The following INPP4A variants were observed in gnomAD, a reference collection of about 807,000 sequenced individuals.
The protein encoded by INPP4A is inositol polyphosphate-4-phosphatase type I A.
Under a neutral mutation model 119.8 loss-of-function variants are expected in INPP4A, and 33 were observed. The observed-to-expected ratio is 0.28, with a 90% CI of 0.21 to 0.37. The LOEUF is 0.37. Among genes scored for constraint, INPP4A ranks in the 10% least tolerant of loss-of-function variants. The pLI, the probability that INPP4A is intolerant of heterozygous loss-of-function variation, is 1.00. For missense variants in INPP4A, 956 were observed against 1,289.9 expected (o/e 0.74, Z 3.97); for synonymous variants, 496 against 500.7 (o/e 0.99, Z 0.12).
intron 4 of INPP4A, among the ~76,000 whole-genome samples, chr2:98,527,455 A>T (rs1049399834): frequency 1.3e-5 from 2 of 152,232 alleles, no homozygotes. Flanking sequence ...TAACCAAAAA[A>T]ACCTTAAAAG....
intron 7 of INPP4A, among the ~76,000 whole-genome samples, chr2:98,536,629 C>T (rs565822927): frequency 1.3e-5 from 2 of 152,244 alleles, no homozygotes; most frequent in South Asian, 2.1e-4. Context: ...GAAAGGGAAA[C>T]GCCCACTGTC....
At chr2:98,505,652 C>T (rs1017607378) in intron 1 of INPP4A, among the ~76,000 whole-genome samples, 12 of 152,164 alleles carry the variant, frequency 7.9e-5, no homozygotes, top group African/African-American at 2.7e-4. Context: ...AAATAAAACA[C>T]AGTAGTCATA....
Position 98,533,361 on chromosome 2 carries a change from C to T in INPP4A, c.152-16C>T, listed in dbSNP as rs767510053. 49 of 1,526,396 alleles carry T rather than the reference C, an allele frequency of 3.2e-5. No individual in the cohort carries two copies. Among genetic ancestry groups the T allele is most frequent in the African/African-American group, 9.5e-5 (7 of 73,352 alleles). The allele number at this position is 1,526,396 out of a possible 1,614,324, so 94.6% of individuals were successfully genotyped here. A position where few individuals can be genotyped will look rare whatever the true frequency, so the allele number is the denominator to read the frequency against. ...GGTTTTAAAGGATTCATTTCTTTCC[C>T]GTGTTGATTCTGTAGCTTGCAGTGA... On this transcript the variant is annotated splice_polypyrimidine_tract_variant and intron_variant, in intron 4 of 24. Coordinates refer to ENST00000409851, the MANE Select transcript of INPP4A (RefSeq NM_001134225.2).
intron 13 of INPP4A, among the ~76,000 whole-genome samples, chr2:98,550,476 C>G (rs1198707043): frequency 2.0e-5 from 3 of 152,222 alleles, no homozygotes; most frequent in African/African-American, 7.2e-5. Flanking sequence ...TCCACCCTTA[C>G]GCTCTCATGG....
rs1014243361 is a variant in INPP4A, at chr2:98,570,063, A to G, written c.2518+1395A>G. ...GGAGGTGAGGGCTGTGTCTGCTGGG[A>G]GAGCTGACAGACCTGGCTCTGGGCA... On this transcript the variant is annotated intron_variant, in intron 22 of 24. Transcript: ENST00000409851. This position sits in a 1 kb window ranked among gnomAD's most constrained non-coding sequence, Gnocchi z 4.3. Among the ~76,000 whole-genome samples, 1 of 152,094 alleles carries G rather than the reference A, an allele frequency of 6.6e-6. No homozygotes were observed. Among genetic ancestry groups the G allele is most frequent in the Non-Finnish European group, 1.5e-5 (1 of 68,012 alleles).
Position 98,589,417 on chromosome 2 carries a change from T to C in INPP4A, c.*1809T>C, listed in dbSNP as rs1175689447. The C allele has an allele frequency of 1.6e-5, 3 of 183,542 alleles. No homozygotes were observed. The highest frequency in any genetic ancestry group is 7.1e-5 in the African/African-American group (3 of 42,538). 11.4% of individuals were successfully genotyped at this position (183,542 alleles called of 1,614,324 possible). On this transcript the variant is annotated 3_prime_UTR_variant, in exon 25 of 25. Coordinates refer to ENST00000409851, the MANE Select transcript of INPP4A (RefSeq NM_001134225.2). Reference sequence around the variant, plus strand: ...TTAACTTTTAAAAAATCTCCTTGCTTTTTAAAAATAAATATTACCCACATA... The same window carrying C: ...TTAACTTTTAAAAAATCTCCTTGCTCTTTAAAAATAAATATTACCCACATA...
intron 24 of INPP4A, among the ~76,000 whole-genome samples, chr2:98,585,774 A>G (rs568078744): frequency 6.6e-6 from 1 of 152,400 alleles, no homozygotes; most frequent in East Asian, 1.9e-4. Context: ...TTAGAATTTC[A>G]CATCTGATGT....
At position 98,593,382 on chromosome 2, in the gene INPP4A, G is replaced by A. The variant is rs1700484269; in HGVS notation, c.*5774G>A. ...GGTGTCTGTGGCCTGACTCTCTCCT[G>A]GTGGTCCTACGTCTCTGACCATCCC... is the stretch of plus-strand genomic sequence containing the variant. On this transcript the variant is annotated 3_prime_UTR_variant, in exon 25 of 25. Transcript: ENST00000409851. 4 of 152,556 alleles carry A rather than the reference G, an allele frequency of 2.6e-5. No homozygotes were observed. 9.5% of individuals were successfully genotyped at this position (152,556 alleles called of 1,614,324 possible).
At chr2:98,451,156 A>G (rs1695155068) in intron 1 of INPP4A, among the ~76,000 whole-genome samples, 1 of 152,148 alleles carries the variant, frequency 6.6e-6, no homozygotes, top group African/African-American at 2.4e-5. Context: ...TGGTCTTTGC[A>G]CATACCTTTG....
At chr2:98,538,564 C>T (rs1690762942) in intron 8 of INPP4A, among the ~76,000 whole-genome samples, 1 of 152,210 alleles carries the variant, frequency 6.6e-6, no homozygotes, top group South Asian at 2.1e-4. Context: ...CTCATTTCAC[C>T]CAAAATAAGC....
chr2:98,455,309 A>G (rs949128008), intron 1 of INPP4A, among the ~76,000 whole-genome samples: 1 of 152,038 alleles, frequency 6.6e-6, no homozygotes, highest in Non-Finnish European at 1.5e-5. Context: ...GTGCACTCCA[A>G]CCTGGGTGAC....
In INPP4A at chr2:98,469,373, C is replaced by T. The variant is rs1014679407; in HGVS notation, c.-166+24288C>T. On this transcript the variant is annotated intron_variant, in intron 1 of 24. Transcript: ENST00000409851. The stretch of plus-strand genomic sequence containing the variant: ...TTAGTCGGGTGTGGTGGCTGGCATG[C>T]GCCTGTAATCCCAGCTTCTCGGGAG... Among the ~76,000 whole-genome samples, 6 of 152,042 alleles carry T rather than the reference C, an allele frequency of 3.9e-5. No individual in the cohort carries two copies. In the Middle Eastern group the frequency reaches 0.01, roughly 259 times the overall value.
chr2:98,546,158 GC>G lies in INPP4A; in HGVS notation c.1054+88del. The G allele has an allele frequency of 1.1e-6, 1 of 928,116 alleles. No homozygotes were observed. Among genetic ancestry groups the G allele is most frequent in the Non-Finnish European group, 1.7e-6 (1 of 590,914 alleles). 57.5% of individuals were successfully genotyped at this position (928,116 alleles called of 1,614,324 possible). Reference sequence around the variant, plus strand: ...CTTGGTCCCTGAGTACCCCACATCTGCCCATTTCCCTGTGTGCTCTGGGCGG... The same window carrying G: ...CTTGGTCCCTGAGTACCCCACATCTGCCATTTCCCTGTGTGCTCTGGGCGG... On this transcript the variant is annotated intron_variant, in intron 12 of 24. Transcript: ENST00000409851. The surrounding 1 kb of genome is among the most constrained non-coding windows in gnomAD (Gnocchi z 4.2).
chr2:98,582,140 A>T (rs1468558140), intron 24 of INPP4A, among the ~76,000 whole-genome samples: 2 of 152,226 alleles, frequency 1.3e-5, no homozygotes, highest in African/African-American at 4.8e-5. Context: ...GAATTTGTAT[A>T]TTTGATACTA....
chr2:98,484,675 T>C (rs1204367563), intron 1 of INPP4A, among the ~76,000 whole-genome samples: 1 of 152,200 alleles, frequency 6.6e-6, no homozygotes, highest in Non-Finnish European at 1.5e-5. Context: ...AAAAGCATGA[T>C]GTGTCCATCT....
At position 98,571,602 on chromosome 2, in the gene INPP4A, A is replaced by C. The variant is rs538436980; in HGVS notation, c.2519-1213A>C. Among the ~76,000 whole-genome samples the C allele has an allele frequency of 2.6e-5, 4 of 152,308 alleles. No individual in the cohort carries two copies. The East Asian group carries it at 7.7e-4, about 29-fold the overall frequency. ...GCCAGGCTGGACCACGCAGGCAGGAACTAGTCGACTGGACCATGACCCAGG... is the reference window on the plus strand; with the variant it reads ...GCCAGGCTGGACCACGCAGGCAGGACCTAGTCGACTGGACCATGACCCAGG... On this transcript the variant is annotated intron_variant, in intron 22 of 24. Coordinates refer to ENST00000409851, the MANE Select transcript of INPP4A (RefSeq NM_001134225.2).
At position 98,444,943 on chromosome 2, in the gene INPP4A, G is replaced by C. The variant is rs1045996688; in HGVS notation, c.-308G>C. 12 of 149,160 alleles carry C rather than the reference G, an allele frequency of 8.0e-5. No homozygotes were observed. Among genetic ancestry groups the C allele is most frequent in the Admixed American group, 6.0e-4 (9 of 15,116 alleles). 9.2% of individuals were successfully genotyped at this position (149,160 alleles called of 1,614,324 possible). ...GCCGCCGGGTCGGGCTCCGTGGGCC[G>C]GGGCAGGAGGACCAGCACCTGAGGC... On this transcript the variant is annotated 5_prime_UTR_variant, in exon 1 of 25. Coordinates refer to ENST00000409851, the MANE Select transcript of INPP4A (RefSeq NM_001134225.2).
intron 1 of INPP4A, among the ~76,000 whole-genome samples, chr2:98,482,764 G>A (rs891136752): frequency 6.6e-6 from 1 of 152,194 alleles, no homozygotes; most frequent in African/African-American, 2.4e-5. Flanking sequence ...CAAAGCTTTT[G>A]ATCTAAGCTT....
In INPP4A at chr2:98,552,975, A is replaced by AG. The variant is rs1328240402; in HGVS notation, c.1347+10dup. ...TCGCCATCTTGGCAGACAAGGTAGG[A>AG]GGGGTGCCCTGCTACATATGGGCTG... On this transcript the variant is annotated splice_region_variant and intron_variant, in intron 14 of 24. Coordinates refer to ENST00000409851, the MANE Select transcript of INPP4A (RefSeq NM_001134225.2). The AG allele has an allele frequency of 1.2e-6, 2 of 1,603,892 alleles. No individual in the cohort carries two copies. Among genetic ancestry groups the AG allele is most frequent in the Non-Finnish European group, 1.7e-6 (2 of 1,174,096 alleles).
Sources: allele counts gnomAD v4.1 joint callset (sites outside exome capture counted in the v4.1 genomes callset), GRCh38; gene constraint gnomAD v4.1.1; non-coding constraint Gnocchi (gnomAD v3.1); transcripts MANE v1.5; gene names NCBI Gene and HGNC (gene_info 2026-07-23, HGNC 2026-07-21).